The following ADAMTS16 variants were observed in gnomAD, a reference collection of about 807,000 sequenced individuals.
ADAMTS16 encodes A disintegrin and metalloproteinase with thrombospondin motifs 16.
Under a neutral mutation model 145.8 loss-of-function variants are expected in ADAMTS16, and 94 were observed. The observed-to-expected ratio is 0.64, with a 90% CI of 0.55 to 0.77. The LOEUF is 0.77. Among genes scored for constraint, ADAMTS16 ranks in the 30% least tolerant of loss-of-function variants. ADAMTS16 has a pLI of 0.00. For synonymous variants in ADAMTS16, 659 were observed against 604.3 expected (o/e 1.09, Z -1.33); for missense variants, 1,585 against 1,591.5 (o/e 1.00, Z 0.07).
intron 18 of ADAMTS16, among the ~76,000 whole-genome samples, chr5:5,267,494 T>G (rs973528720): frequency 1.6e-4 from 25 of 151,898 alleles, no homozygotes; most frequent in Non-Finnish European, 2.1e-4. Context: ...TCCCCTGGAG[T>G]TGGGCTGCTC....
In ADAMTS16 at chr5:5,182,317, C is replaced by G; in HGVS notation, c.763+12C>G. ...AAGACGCAAGAAATGTATGTAAGGG[C>G]GAATCTTTGTGTGTATTTAGTGATG... is the stretch of plus-strand genomic sequence containing the variant. On this transcript the variant is annotated intron_variant, in intron 4 of 22. Transcript: ENST00000274181. 6.2e-7 allele frequency: 1 copy of G among 1,603,010 alleles called. No individual in the cohort carries two copies. The highest frequency in any genetic ancestry group is 8.5e-7 in the Non-Finnish European group (1 of 1,171,992).
At chr5:5,300,230 A>G (rs898407399) in intron 18 of ADAMTS16, among the ~76,000 whole-genome samples, 2 of 152,206 alleles carry the variant, frequency 1.3e-5, no homozygotes, top group African/African-American at 4.8e-5. Context: ...GAGAGCAAAT[A>G]TAAGAAATGG....
intron 3 of ADAMTS16, among the ~76,000 whole-genome samples, chr5:5,159,833 G>A (rs754758771): frequency 7.2e-5 from 11 of 152,284 alleles, no homozygotes; most frequent in Admixed American, 2.0e-4. Context: ...TCCCAACACC[G>A]GGAGATCACT....
intron 17 of ADAMTS16, among the ~76,000 whole-genome samples, chr5:5,258,265 C>T (rs1341298928): frequency 2.0e-5 from 3 of 152,166 alleles, no homozygotes; most frequent in African/African-American, 7.2e-5. Flanking sequence ...TTCCAGAGAT[C>T]ACAGGGGTCT....
At position 5,319,684 on chromosome 5, in the gene ADAMTS16, G is replaced by A. The variant is rs893181751; in HGVS notation, c.*546G>A. 4 of 355,150 alleles carry A rather than the reference G, an allele frequency of 1.1e-5. No individual in the cohort carries two copies. Among genetic ancestry groups the A allele is most frequent in the Admixed American group, 4.1e-5 (1 of 24,590 alleles). The allele number at this position is 355,150 out of a possible 1,614,324, so 22.0% of individuals were successfully genotyped here. A position where few individuals can be genotyped will look rare whatever the true frequency, so the allele number is the denominator to read the frequency against. On this transcript the variant is annotated 3_prime_UTR_variant, in exon 23 of 23. Coordinates refer to ENST00000274181, the MANE Select transcript of ADAMTS16 (RefSeq NM_139056.4). ...CTCCTCCTCCTCCTCCCCAGCGGCC[G>A]AGCATCTCTTACCAGGAACCTGGAG...
intron 10 of ADAMTS16, among the ~76,000 whole-genome samples, chr5:5,210,397 T>C (rs72647755): frequency 5.6e-4 from 85 of 152,312 alleles, no homozygotes; most frequent in Non-Finnish European, 9.9e-4. Flanking sequence ...GCATTTTTAT[T>C]ATTGAGGACA....
At chr5:5,196,769 G>A (rs1446917133) in intron 8 of ADAMTS16, among the ~76,000 whole-genome samples, 2 of 152,166 alleles carry the variant, frequency 1.3e-5, no homozygotes, top group Non-Finnish European at 2.9e-5. Flanking sequence ...TTTCTGATGT[G>A]CACAGTCCCA....
rs758551836 is a variant in ADAMTS16 at position 5,303,474 on chromosome 5, C to G, written c.2991+5C>G. On this transcript the variant is annotated splice_donor_5th_base_variant and intron_variant, in intron 19 of 22. Transcript: ENST00000274181. ...AGCGCCGGGCCCTGGGCAGAGGTAA[C>G]CAGGGTGGGGTTGGCATGGGTGGCA... The G allele has an allele frequency of 2.5e-6, 4 of 1,609,390 alleles. No individual in the cohort carries two copies. Among genetic ancestry groups the G allele is most frequent in the Non-Finnish European group, 3.4e-6 (4 of 1,176,930 alleles).
chr5:5,211,667 T>C (rs911831447), intron 10 of ADAMTS16, among the ~76,000 whole-genome samples: 34 of 152,176 alleles, frequency 2.2e-4, no homozygotes, highest in African/African-American at 8.2e-4. Context: ...ATTTTCCTAA[T>C]ATAACCATTT....
chr5:5,259,337 A>T (rs1560973188), intron 17 of ADAMTS16, among the ~76,000 whole-genome samples: 2 of 152,294 alleles, frequency 1.3e-5, no homozygotes, highest in East Asian at 3.9e-4. Context: ...TTCTGCTCTC[A>T]TCTCCAACAC....
intron 3 of ADAMTS16, among the ~76,000 whole-genome samples, chr5:5,170,503 C>A (rs534388975): frequency 6.6e-6 from 1 of 152,156 alleles, no homozygotes; most frequent in East Asian, 1.9e-4. Flanking sequence ...CTCAGCCCCC[C>A]GAGTAGCTGG....
intron 10 of ADAMTS16, among the ~76,000 whole-genome samples, chr5:5,215,403 C>A (rs1256214751): frequency 2.0e-5 from 3 of 151,982 alleles, no homozygotes; most frequent in Non-Finnish European, 4.4e-5. Flanking sequence ...TGAGTAAGTT[C>A]TTTAGTGGTG....
At position 5,262,653 on chromosome 5, in the gene ADAMTS16, G is replaced by A. The variant is rs34433845; in HGVS notation, c.2663-4G>A. ...TTTATTCTACATTTCATCCTTGCCT[G>A]CAGGACAGATGACCGTGAGAGAGGG... On this transcript the variant is annotated splice_region_variant and splice_polypyrimidine_tract_variant and intron_variant, in intron 17 of 22. Transcript: ENST00000274181. 379,532 of 1,612,614 alleles carry A rather than the reference G, an allele frequency of 0.24. 46,009 individuals are homozygous for A. The highest frequency in any genetic ancestry group is 0.31 in the Middle Eastern group (1,872 of 6,056).
At chr5:5,212,104 A>G (rs1488647434) in intron 10 of ADAMTS16, among the ~76,000 whole-genome samples, 2 of 151,912 alleles carry the variant, frequency 1.3e-5, no homozygotes, top group African/African-American at 4.8e-5. Flanking sequence ...TACTTGTTCC[A>G]CCAGTTTTAC....
intron 3 of ADAMTS16, among the ~76,000 whole-genome samples, chr5:5,180,183 G>A (rs1735301849): frequency 1.3e-5 from 2 of 152,134 alleles, no homozygotes; most frequent in Admixed American, 1.3e-4. Context: ...GACATTGGAT[G>A]CCGTGGGTCA....
At chr5:5,215,375 A>C (rs890879058) in intron 10 of ADAMTS16, among the ~76,000 whole-genome samples, 1 of 152,106 alleles carries the variant, frequency 6.6e-6, no homozygotes, top group Non-Finnish European at 1.5e-5. Context: ...ATTGGGGTAC[A>C]GGTGGTATTT....
Position 5,242,112 on chromosome 5 carries a change from G to C in ADAMTS16, c.2583G>C (p.Gly861=), listed in dbSNP as rs767753888. The change falls in exon 17 of 23, where the codon GGG becomes GGC. Residue 861 remains glycine (G), a synonymous_variant. Coordinates refer to ENST00000274181, the MANE Select transcript of ADAMTS16 (RefSeq NM_139056.4). ...VAWEYSMPRL[G]TEKQPPAQPS... is the part of the protein sequence containing the mutation. ...GGGAATACTCCATGCCTCGCTTGGGGACCGAGAAGCAGCCCCCTGCCCAGC... is the reference window on the plus strand; with the variant it reads ...GGGAATACTCCATGCCTCGCTTGGGCACCGAGAAGCAGCCCCCTGCCCAGC... The C allele has an allele frequency of 6.2e-7, 1 of 1,614,084 alleles. No homozygotes were observed. The highest frequency in any genetic ancestry group is 8.5e-7 in the Non-Finnish European group (1 of 1,180,046).
At chr5:5,276,005 T>C (rs1413367418) in intron 18 of ADAMTS16, among the ~76,000 whole-genome samples, 1 of 152,100 alleles carries the variant, frequency 6.6e-6, no homozygotes, top group African/African-American at 2.4e-5. Flanking sequence ...ATTACAGGCA[T>C]GCACCATCAT....
chr5:5,318,290 A>G lies in ADAMTS16; in HGVS notation c.3559+9A>G, dbSNP rs983542097. The stretch of plus-strand genomic sequence containing the variant: ...CATTGCAGAGAAGAAAGGTGAGTAC[A>G]TGGGGCCCCTCAGCATGACCTGGGC... On this transcript the variant is annotated intron_variant, in intron 22 of 22. Coordinates refer to ENST00000274181, the MANE Select transcript of ADAMTS16 (RefSeq NM_139056.4). 3.5e-6 allele frequency: 5 copies of G among 1,433,256 alleles called. No individual in the cohort carries two copies. The highest frequency in any genetic ancestry group is 1.4e-5 in the African/African-American group (1 of 69,482). The allele number at this position is 1,433,256 out of a possible 1,614,324, so 88.8% of individuals were successfully genotyped here. A position where few individuals can be genotyped will look rare whatever the true frequency, so the allele number is the denominator to read the frequency against.
Sources: allele counts gnomAD v4.1 joint callset (sites outside exome capture counted in the v4.1 genomes callset), GRCh38; gene constraint gnomAD v4.1.1; transcripts MANE v1.5; gene names NCBI Gene and HGNC (gene_info 2026-07-23, HGNC 2026-07-21).